The following CRK variants were observed in gnomAD, a reference collection of about 807,000 sequenced individuals.
CRK encodes the protein CRK proto-oncogene, adaptor protein, also known as adapter molecule crk.
A neutral mutation model predicts 29.8 loss-of-function variants in CRK; 4 were observed. That is an observed-to-expected ratio of 0.13 (90% CI 0.07 to 0.31). The LOEUF (loss-of-function observed/expected upper bound fraction) is 0.31. CRK is among the 10% of genes least tolerant of loss of function. The pLI is 1.00. For synonymous variants in CRK, 153 were observed against 164.9 expected (o/e 0.93, Z 0.55); for missense variants, 274 against 396.5 (o/e 0.69, Z 2.62).
intron 2 of CRK, among the ~76,000 whole-genome samples, chr17:1,426,668 A>G (rs946899949): frequency 6.6e-6 from 1 of 152,110 alleles, no homozygotes; most frequent in Non-Finnish European, 1.5e-5. Context: ...GTTCAAGACC[A>G]GCCTGGCCAA....
chr17:1,453,920 G>A (rs577829423), intron 1 of CRK, among the ~76,000 whole-genome samples: 3 of 146,660 alleles, frequency 2.0e-5, no homozygotes, highest in East Asian at 4.1e-4. Context: ...AACAAACAAA[G>A]CTGGGTGCGG....
In CRK at chr17:1,456,142, G is replaced by C. The variant is rs761544749; in HGVS notation, c.-25C>G. 4 of 1,467,552 alleles carry C rather than the reference G, an allele frequency of 2.7e-6. No homozygotes were observed. The highest frequency in any genetic ancestry group is 1.9e-4 in the Middle Eastern group (1 of 5,292). 90.9% of individuals were successfully genotyped at this position (1,467,552 alleles called of 1,614,324 possible). On this transcript the variant is annotated 5_prime_UTR_variant, in exon 1 of 3. Coordinates refer to ENST00000300574, the MANE Select transcript of CRK (RefSeq NM_016823.4). ...TGGCTGCCTCCGCGCCTAAACGCTG[G>C]GGTGCCGCCGCCGCGCGCGCCCCTC...
At chr17:1,444,571 T>G (rs180806471) in intron 1 of CRK, among the ~76,000 whole-genome samples, 1 of 111,756 alleles carries the variant, frequency 8.9e-6, no homozygotes, top group Non-Finnish European at 1.8e-5. Flanking sequence ...AGGCCTGTAA[T>G]CCCAGCACTT....
intron 1 of CRK, among the ~76,000 whole-genome samples, chr17:1,441,557 T>C (rs1371200535): frequency 6.6e-6 from 1 of 151,348 alleles, no homozygotes; most frequent in Non-Finnish European, 1.5e-5. Flanking sequence ...ACTGGAGCCA[T>C]CTTGGCTCAC....
intron 2 of CRK, among the ~76,000 whole-genome samples, chr17:1,434,553 C>A (rs2073872919): frequency 6.6e-6 from 1 of 152,048 alleles, no homozygotes; most frequent in Non-Finnish European, 1.5e-5. Flanking sequence ...GAGGCTGAGG[C>A]GGGTGGATCA....
intron 2 of CRK, among the ~76,000 whole-genome samples, chr17:1,430,395 CG>C (rs1332273783): frequency 2.1e-5 from 3 of 139,566 alleles, no homozygotes; most frequent in Non-Finnish European, 4.6e-5. Context: ...CTCGCTCTGT[CG>C]CCCAGGCTGG....
intron 2 of CRK, among the ~76,000 whole-genome samples, chr17:1,435,113 G>A (rs1353079049): frequency 1.3e-5 from 2 of 152,074 alleles, no homozygotes; most frequent in Non-Finnish European, 2.9e-5. Context: ...AGGCTGGAGT[G>A]CAGTGTCATG....
At chr17:1,453,852 G>A (rs2074036740) in intron 1 of CRK, among the ~76,000 whole-genome samples, 3 of 152,162 alleles carry the variant, frequency 2.0e-5, no homozygotes, top group South Asian at 4.1e-4. Flanking sequence ...AGATTGCAGT[G>A]AGCTGAGATT....
At position 1,422,142 on chromosome 17, in the gene CRK, A is replaced by C. The variant is rs570163620; in HGVS notation, c.*1371T>G. The C allele has an allele frequency of 6.6e-6, 1 of 152,012 alleles. No individual in the cohort carries two copies. The highest frequency in any genetic ancestry group is 2.1e-4 in the South Asian group (1 of 4,824). The allele number at this position is 152,012 out of a possible 1,614,324, so 9.4% of individuals were successfully genotyped here. ...TACATAAGTAATTCACAATTGGTTC[A>C]ACATTTTTTTTTCTTTTTTTTTTCC... On this transcript the variant is annotated 3_prime_UTR_variant, in exon 3 of 3. Coordinates refer to ENST00000300574, the MANE Select transcript of CRK (RefSeq NM_016823.4).
Position 1,456,164 on chromosome 17 carries a change from C to A in CRK, c.-47G>T. On this transcript the variant is annotated 5_prime_UTR_variant, in exon 1 of 3. Coordinates refer to ENST00000300574, the MANE Select transcript of CRK (RefSeq NM_016823.4). Reference sequence around the variant, plus strand: ...CTGGGGTGCCGCCGCCGCGCGCGCCCCTCCGGCCCCCGGCGCCCGCCGCCC... The same window carrying A: ...CTGGGGTGCCGCCGCCGCGCGCGCCACTCCGGCCCCCGGCGCCCGCCGCCC... The A allele has an allele frequency of 7.1e-7, 1 of 1,403,024 alleles. No individual in the cohort carries two copies. 86.9% of individuals were successfully genotyped at this position (1,403,024 alleles called of 1,614,324 possible).
intron 2 of CRK, 92 bp downstream of exon 2, chr17:1,436,528 A>G: frequency 7.3e-7 from 1 of 1,372,846 alleles, no homozygotes; most frequent in Non-Finnish European, 9.8e-7. Flanking sequence ...CAACATCCCA[A>G]TGCTGTAGTC....
At chr17:1,442,257 T>C (rs1001996971) in intron 1 of CRK, among the ~76,000 whole-genome samples, 9 of 151,478 alleles carry the variant, frequency 5.9e-5, no homozygotes, top group African/African-American at 2.2e-4. Flanking sequence ...TAGGCTCTAG[T>C]AATCCTCCCA....
chr17:1,432,381 C>A (rs1270837836), intron 2 of CRK, among the ~76,000 whole-genome samples: 4 of 144,990 alleles, frequency 2.8e-5, no homozygotes, highest in African/African-American at 1.0e-4. Flanking sequence ...CCCAGCTACC[C>A]GGGAGGTTGA....
chr17:1,432,572 T>C (rs1343911809), intron 2 of CRK, among the ~76,000 whole-genome samples: 1 of 147,292 alleles, frequency 6.8e-6, no homozygotes, highest in Non-Finnish European at 1.5e-5. Context: ...GGTCAGGAGG[T>C]CGAGACCATC....
At chr17:1,429,032 G>C (rs2073811534) in intron 2 of CRK, among the ~76,000 whole-genome samples, 1 of 151,688 alleles carries the variant, frequency 6.6e-6, no homozygotes, top group Admixed American at 6.6e-5. Flanking sequence ...ATTTTTAGTA[G>C]AGATGGGGTT....
At chr17:1,446,741 G>A (rs906162887) in intron 1 of CRK, among the ~76,000 whole-genome samples, 23 of 151,876 alleles carry the variant, frequency 1.5e-4, no homozygotes, top group South Asian at 4.2e-4. Flanking sequence ...ACAGGTGCCC[G>A]CCACCACGCC....
chr17:1,451,235 C>T (rs1376491353), intron 1 of CRK, among the ~76,000 whole-genome samples: 1 of 131,408 alleles, frequency 7.6e-6, no homozygotes, highest in Non-Finnish European at 1.6e-5. Flanking sequence ...TAAAAAGCTT[C>T]TTCATCATTG....
intron 1 of CRK, among the ~76,000 whole-genome samples, chr17:1,454,121 G>C (rs2074038625): frequency 6.6e-6 from 1 of 151,534 alleles, no homozygotes. Context: ...AGAATCACTT[G>C]AACCCAAAAG....
chr17:1,427,030 C>CAAAAAAAAAAAAAAAAAAAA (rs562515421), intron 2 of CRK, among the ~76,000 whole-genome samples: 7 of 35,304 alleles, frequency 2.0e-4, no homozygotes, highest in East Asian at 1.3e-3. Context: ...AAACTGTCTC[C>CAAAAAAAAAAAAAAAAAAAA]AAAAAAAAAA....
Sources: gnomAD v4.1 joint callset for allele counts (sites outside exome capture counted in the v4.1 genomes callset) on GRCh38, gnomAD v4.1.1 for gene constraint, MANE v1.5 for transcripts, NCBI Gene and HGNC (gene_info 2026-07-23, HGNC 2026-07-21) for gene names.